QTRT2: variants seen among roughly 807,000 people sequenced by gnomAD.
The protein encoded by QTRT2 is queuine tRNA-ribosyltransferase domain containing 1.
A neutral mutation model predicts 44.8 loss-of-function variants in QTRT2; 32 were observed. That is an observed-to-expected ratio of 0.71 (90% CI 0.54 to 0.96). QTRT2 has a LOEUF of 0.96. QTRT2 is among the 40% of genes least tolerant of loss of function. The pLI is 0.00. For missense variants in QTRT2, 461 were observed against 503.1 expected (o/e 0.92, Z 0.80); for synonymous variants, 182 against 187.4 (o/e 0.97, Z 0.24).
chr3:114,079,548 A>G, intron 7 of QTRT2: 1 of 173,268 alleles, frequency 5.8e-6, no homozygotes, highest in South Asian at 1.2e-4. Context: ...CAAAAAAAAA[A>G]AAGAAACTAT....
At chr3:114,083,548 A>C (rs1250391273) in intron 9 of QTRT2, among the ~76,000 whole-genome samples, 1 of 152,172 alleles carries the variant, frequency 6.6e-6, no homozygotes, top group Non-Finnish European at 1.5e-5. Flanking sequence ...CAAAAGTGGT[A>C]ATCATCAGTG....
At chr3:114,069,582 T>C (rs1292151488) in intron 5 of QTRT2, among the ~76,000 whole-genome samples, 1 of 152,238 alleles carries the variant, frequency 6.6e-6, no homozygotes, top group African/African-American at 2.4e-5. Context: ...ACCTCATTCT[T>C]TTTTATGGCT....
At chr3:114,068,192 A>G in intron 5 of QTRT2, 129 bp downstream of exon 5, 1 of 740,866 alleles carries the variant, frequency 1.3e-6, no homozygotes, top group South Asian at 1.5e-5. Context: ...TTCGATAATT[A>G]TAGTGGGATG....
intron 6 of QTRT2, among the ~76,000 whole-genome samples, chr3:114,072,752 G>C (rs899895131): frequency 6.6e-6 from 1 of 152,144 alleles, no homozygotes; most frequent in African/African-American, 2.4e-5. Flanking sequence ...ATGGCGAATG[G>C]GTTTCATCTG....
intron 6 of QTRT2, among the ~76,000 whole-genome samples, chr3:114,072,522 T>C (rs955303500): frequency 1.5e-4 from 23 of 152,336 alleles, no homozygotes; most frequent in African/African-American, 4.6e-4. Context: ...GCCCCAATCA[T>C]ATTGTATTTC....
chr3:114,070,912 CT>C lies in QTRT2; in HGVS notation c.546+75del, dbSNP rs2077016902. The C allele has an allele frequency of 2.3e-5, 26 of 1,152,230 alleles. No individual in the cohort carries two copies. In the South Asian group the frequency reaches 3.4e-4, roughly 15 times the overall value. The allele number at this position is 1,152,230 out of a possible 1,614,324, so 71.4% of individuals were successfully genotyped here. ...CTTACATTCTGTGATACCACCTTTT[CT>C]GTTCTTCCTCCTACTGCTGTGCTCC... On this transcript the variant is annotated intron_variant, in intron 6 of 9. Transcript: ENST00000281273.
intron 2 of QTRT2, among the ~76,000 whole-genome samples, chr3:114,060,520 A>G (rs1003353830): frequency 2.0e-5 from 3 of 150,736 alleles, no homozygotes; most frequent in African/African-American, 4.9e-5. Flanking sequence ...AGATAGATAG[A>G]TAGATAGATA....
intron 4 of QTRT2, 121 bp from the exon 5 acceptor site, chr3:114,067,866 C>A: frequency 1.4e-6 from 1 of 739,808 alleles, no homozygotes; most frequent in South Asian, 1.6e-5. Context: ...CAGATACAAC[C>A]TATTGACAGT....
chr3:114,069,004 G>A (rs139646253), intron 5 of QTRT2, among the ~76,000 whole-genome samples: 6 of 151,238 alleles, frequency 4.0e-5, no homozygotes, highest in African/African-American at 7.3e-5. Flanking sequence ...AGCCAAAGTC[G>A]CACCAGTGCA....
At chr3:114,077,915 G>C (rs2077113827) in intron 7 of QTRT2, 2 of 152,010 alleles carry the variant, frequency 1.3e-5, no homozygotes, top group Admixed American at 6.6e-5. Context: ...GTTTCTCCTT[G>C]TTGGTCAGGC....
chr3:114,070,912 C>A (rs1204820416), intron 6 of QTRT2, 74 bp downstream of exon 6: 9 of 1,152,112 alleles, frequency 7.8e-6, no homozygotes, highest in African/African-American at 7.6e-5. Flanking sequence ...ACCACCTTTT[C>A]TGTTCTTCCT....
At position 114,067,080 on chromosome 3, in the gene QTRT2, T is replaced by G. The variant is rs563178628; in HGVS notation, c.256+797T>G. On this transcript the variant is annotated intron_variant, in intron 4 of 9. Transcript: ENST00000281273. ...CACTTGAATGAAAATCCTGTTTCCA[T>G]TGGTTATTCAGTCTTCTGCTTCTGA... 5.9e-5 allele frequency among the ~76,000 whole-genome samples: 9 copies of G among 152,312 alleles called. No individual in the cohort carries two copies. In the South Asian group the frequency reaches 1.9e-3, roughly 32 times the overall value.
At chr3:114,085,458 G>A (rs112480628) in intron 9 of QTRT2, among the ~76,000 whole-genome samples, 4,851 of 152,174 alleles carry the variant, frequency 0.032, 236 homozygotes, top group African/African-American at 0.11. Context: ...CGCCTGCCCC[G>A]GCCTCCCAAA....
At chr3:114,066,627 G>T (rs988909506) in intron 4 of QTRT2, 2 of 172,146 alleles carry the variant, frequency 1.2e-5, no homozygotes, top group Admixed American at 1.2e-4. Flanking sequence ...AATAAAAAAC[G>T]GATTCTTTTT....
At chr3:114,084,803 G>A (rs2077214617) in intron 9 of QTRT2, among the ~76,000 whole-genome samples, 2 of 152,168 alleles carry the variant, frequency 1.3e-5, no homozygotes, top group African/African-American at 4.8e-5. Context: ...AATTCATGCA[G>A]GGTAGCTCCA....
Position 114,065,233 on chromosome 3 carries a change from A to G in QTRT2, c.-21-4A>G. 6.2e-7 allele frequency: 1 copy of G among 1,608,832 alleles called. No homozygotes were observed. Among genetic ancestry groups the G allele is most frequent in the Admixed American group, 1.7e-5 (1 of 59,644 alleles). The stretch of plus-strand genomic sequence containing the variant: ...TTCTATACTTAATGCTCTTTTCTTG[A>G]CAGGACCTAGAAGAATCCCTTAGGA... On this transcript the variant is annotated splice_polypyrimidine_tract_variant and splice_region_variant and intron_variant, in intron 2 of 9. Coordinates refer to ENST00000281273, the MANE Select transcript of QTRT2 (RefSeq NM_024638.4).
At chr3:114,082,440 A>G (rs1440756811) in intron 8 of QTRT2, 1 of 267,458 alleles carries the variant, frequency 3.7e-6, no homozygotes, top group African/African-American at 2.2e-5. Flanking sequence ...ACTTGTAACT[A>G]TAATTTGCTT....
intron 6 of QTRT2, among the ~76,000 whole-genome samples, chr3:114,071,392 A>G (rs2077022448): frequency 6.6e-6 from 1 of 152,076 alleles, no homozygotes. Flanking sequence ...TCTGCCTCCC[A>G]GGTTCAAGGG....
At position 114,086,246 on chromosome 3, in the gene QTRT2, A is replaced by G; in HGVS notation, c.*342A>G. ...TGATGAGATTCTGAGGGACCCATGA[A>G]TTGGATTGAGGCTTGAGGGGAAATG... On this transcript the variant is annotated 3_prime_UTR_variant, in exon 10 of 10. Transcript: ENST00000281273. 3.3e-6 allele frequency: 1 copy of G among 304,660 alleles called. No homozygotes were observed. The highest frequency in any genetic ancestry group is 3.2e-5 in the South Asian group (1 of 30,860). The allele number at this position is 304,660 out of a possible 1,614,324, so 18.9% of individuals were successfully genotyped here.
Sources: allele counts gnomAD v4.1 joint callset (sites outside exome capture counted in the v4.1 genomes callset), GRCh38; gene constraint gnomAD v4.1.1; transcripts MANE v1.5; gene names NCBI Gene and HGNC (gene_info 2026-07-23, HGNC 2026-07-21).